The following ECPAS variants were observed in gnomAD, a reference collection of about 807,000 sequenced individuals.
The protein encoded by ECPAS is proteasome adapter and scaffold protein ECM29.
Under a neutral mutation model 255.1 loss-of-function variants are expected in ECPAS, and 70 were observed. That is an observed-to-expected ratio of 0.27 (90% CI 0.23 to 0.33). The LOEUF is 0.33. Among genes scored for constraint, ECPAS ranks in the 10% least tolerant of loss-of-function variants. ECPAS has a pLI of 1.00. For synonymous variants in ECPAS, 784 were observed against 775.0 expected, an observed-to-expected ratio of 1.01 and a Z score of -0.19; for missense variants, 1,817 against 2,206.4, an observed-to-expected ratio of 0.82 and a Z score of 3.54.
chr9:111,481,057 T>C (rs775266600), intron 1 of ECPAS, among the ~76,000 whole-genome samples: 1 of 152,168 alleles, frequency 6.6e-6, no homozygotes, highest in East Asian at 1.9e-4. Context: ...TCATACAGCA[T>C]AGCAATTGAA....
intron 1 of ECPAS, among the ~76,000 whole-genome samples, chr9:111,473,738 G>A (rs936976035): frequency 6.6e-6 from 1 of 152,178 alleles, no homozygotes; most frequent in African/African-American, 2.4e-5. Context: ...AGGCCGAGGA[G>A]GGCAGATTGC....
chr9:111,376,560 A>G lies in ECPAS; in HGVS notation c.3955-19T>C. 6.3e-7 allele frequency: 1 copy of G among 1,576,058 alleles called. No homozygotes were observed. The highest frequency in any genetic ancestry group is 1.2e-5 in the South Asian group (1 of 85,994). On this transcript the variant is annotated intron_variant, in intron 36 of 49. Coordinates refer to ENST00000684092, the MANE Select transcript of ECPAS (RefSeq NM_001364929.1). ...TCGCAGCCTAAAGAAGAGAAATTAA[A>G]GTCACCCGGCACATTCAATTAATTA...
At chr9:111,408,261 G>C (rs1300668160) in intron 24 of ECPAS, among the ~76,000 whole-genome samples, 2 of 152,148 alleles carry the variant, frequency 1.3e-5, no homozygotes, top group Non-Finnish European at 2.9e-5. Context: ...AAACACTCAA[G>C]AACTACTGTT....
intron 24 of ECPAS, among the ~76,000 whole-genome samples, chr9:111,402,332 T>C (rs2098177445): frequency 6.6e-6 from 1 of 152,168 alleles, no homozygotes; most frequent in South Asian, 2.1e-4. Flanking sequence ...CCACCAGATG[T>C]GTCTTACAAA....
Position 111,444,479 on chromosome 9 carries a change from C to G in ECPAS, c.169G>C (p.Val57Leu). Residue 57 changes from valine (V) to leucine (L), a missense_variant, in exon 4 of 50, where the codon GTC becomes CTC. Transcript: ENST00000684092. ...CTTTTTATACGTTTATTCAGATGGA[C>G]CAGCAGTTCCATTACCTAAAATACA... is the stretch of plus-strand genomic sequence containing the variant. ...GVRKKVMELL[V>L]HLNKRIKSRP... 1 of 1,610,452 alleles carries G rather than the reference C, an allele frequency of 6.2e-7. No individual in the cohort carries two copies. The highest frequency in any genetic ancestry group is 2.2e-5 in the East Asian group (1 of 44,844).
rs2098295753 is a variant in ECPAS, at chr9:111,475,982, C to CAGAA, written c.-82-2983_-82-2982insTTCT. ...TATGGTCACAGAATCATGTTCAACA[C>CAGAA]ACAGCTTCCCAAATCTCATCCTCTA... On this transcript the variant is annotated intron_variant, in intron 1 of 49. Transcript: ENST00000684092. 3.9e-5 allele frequency among the ~76,000 whole-genome samples: 6 copies of CAGAA among 152,296 alleles called. No individual in the cohort carries two copies. In the South Asian group the frequency reaches 1.2e-3, roughly 32 times the overall value.
In ECPAS at chr9:111,420,103, T is replaced by G. The variant is rs751857379; in HGVS notation, c.1473A>C (p.Arg491=). ...SYLIKPEVQV[R]QVAVKFASTV... is the part of the protein sequence containing the mutation. The stretch of plus-strand genomic sequence containing the variant: ...TACTGGCAAATTTCACAGCCACTTG[T>G]CGAACTTGAACTTCAGGCTATTTCA... Residue 491 remains arginine, a synonymous_variant, in exon 16 of 50, where the codon CGA becomes CGC. Coordinates refer to ENST00000684092, the MANE Select transcript of ECPAS (RefSeq NM_001364929.1). 4 of 1,612,550 alleles carry G rather than the reference T, an allele frequency of 2.5e-6. No individual in the cohort carries two copies. Among genetic ancestry groups the G allele is most frequent in the Non-Finnish European group, 2.5e-6 (3 of 1,179,022 alleles).
At chr9:111,466,616 TACACACACAC>T (rs55763374) in intron 2 of ECPAS, among the ~76,000 whole-genome samples, 36 of 143,498 alleles carry the variant, frequency 2.5e-4, no homozygotes, top group South Asian at 6.9e-4. Context: ...AATAACTAAA[TACACACACAC>T]ACACACACAC....
chr9:111,414,700 G>C (rs1259598028), intron 18 of ECPAS, 49 bp from the exon 19 acceptor site: 6 of 1,481,080 alleles, frequency 4.1e-6, no homozygotes, highest in Non-Finnish European at 5.6e-6. Context: ...CGAAAAGTCA[G>C]TGTGGGAAGG....
chr9:111,457,740 A>G (rs1481413574), intron 2 of ECPAS, among the ~76,000 whole-genome samples: 1 of 152,218 alleles, frequency 6.6e-6, no homozygotes, highest in Non-Finnish European at 1.5e-5. Context: ...AAGAAAGTGT[A>G]AAGGACCCAA....
At chr9:111,384,932 C>T (rs2098145803) in intron 33 of ECPAS, among the ~76,000 whole-genome samples, 1 of 152,086 alleles carries the variant, frequency 6.6e-6, no homozygotes, top group African/African-American at 2.4e-5. Flanking sequence ...ACTGAAGTGC[C>T]TAATTTTAAT....
intron 1 of ECPAS, among the ~76,000 whole-genome samples, chr9:111,473,454 C>T (rs2098291943): frequency 6.6e-6 from 1 of 152,196 alleles, no homozygotes; most frequent in Non-Finnish European, 1.5e-5. Context: ...CCGGCCACCG[C>T]TGACCTCTCT....
Position 111,373,922 on chromosome 9 carries a change from C to A in ECPAS, c.4177+50G>T, listed in dbSNP as rs1349252401. The A allele has an allele frequency of 2.9e-6, 4 of 1,387,962 alleles. No homozygotes were observed. The East Asian group carries it at 9.2e-5, about 32-fold the overall frequency. The allele number at this position is 1,387,962 out of a possible 1,614,324, so 86.0% of individuals were successfully genotyped here. A position where few individuals can be genotyped will look rare whatever the true frequency, so the allele number is the denominator to read the frequency against. On this transcript the variant is annotated intron_variant, in intron 39 of 49. Coordinates refer to ENST00000684092, the MANE Select transcript of ECPAS (RefSeq NM_001364929.1). ...TTTTCCTTTTTAAAACTCTGTCACACAAGACAGGGCTGTGCAAAAATATCA... is the reference window on the plus strand; with the variant it reads ...TTTTCCTTTTTAAAACTCTGTCACAAAAGACAGGGCTGTGCAAAAATATCA...
At chr9:111,457,329 C>CT (rs2098268130) in intron 2 of ECPAS, among the ~76,000 whole-genome samples, 1 of 151,998 alleles carries the variant, frequency 6.6e-6, no homozygotes, top group Admixed American at 6.6e-5. Flanking sequence ...AATAAGAGCT[C>CT]TGAGCACATT....
Position 111,417,977 on chromosome 9 carries a change from C to T in ECPAS, c.1589G>A (p.Arg530His), listed in dbSNP as rs773916820. The T allele has an allele frequency of 2.9e-5, 47 of 1,605,618 alleles. No homozygotes were observed. The highest frequency in any genetic ancestry group is 8.5e-5 in the Admixed American group (5 of 58,744). ...PREEVHGEAQ[R>H]VLRCLPGRNR... ...TCTACCTGGAAGACACCTTAATACG[C>T]GTTGTGCTTCTCCATGAACTTCTTC... Residue 530 changes from arginine to histidine, a missense_variant, in exon 17 of 50, where the codon CGC becomes CAC. Arg to His is a conservative substitution (Grantham distance 29). Transcript: ENST00000684092.
intron 48 of ECPAS, chr9:111,365,932 G>A (rs1589106500): frequency 3.2e-6 from 1 of 308,830 alleles, no homozygotes; most frequent in Non-Finnish European, 6.0e-6. Flanking sequence ...TGCATAAAGT[G>A]TATACATATT....
intron 31 of ECPAS, among the ~76,000 whole-genome samples, chr9:111,387,165 CTCA>C (rs2098150410): frequency 6.6e-6 from 1 of 151,818 alleles, no homozygotes; most frequent in African/African-American, 2.4e-5. Context: ...CAGAGTCTCA[CTCA>C]TCATCAGTGC....
Position 111,372,486 on chromosome 9 carries a change from TCTC to T in ECPAS, c.4468_4470del (p.Glu1490del), listed in dbSNP as rs1381737751. 1 of 1,613,904 alleles carries T rather than the reference TCTC, an allele frequency of 6.2e-7. No individual in the cohort carries two copies. Among genetic ancestry groups the T allele is most frequent in the Non-Finnish European group, 8.5e-7 (1 of 1,179,806 alleles). ...AAATTACATTCTTCTTTTTCGGATT[TCTC>T]CTCATCAGCAATTTCATGCATGCCT... On this transcript the variant is annotated inframe_deletion, in exon 42 of 50. Coordinates refer to ENST00000684092, the MANE Select transcript of ECPAS (RefSeq NM_001364929.1).
chr9:111,467,932 G>A (rs933381929), intron 2 of ECPAS, among the ~76,000 whole-genome samples: 1 of 152,024 alleles, frequency 6.6e-6, no homozygotes, highest in African/African-American at 2.4e-5. Flanking sequence ...CTGAACCCAG[G>A]ACCTGAGGTC....
Sources: gnomAD v4.1 joint callset for allele counts (sites outside exome capture counted in the v4.1 genomes callset) on GRCh38, gnomAD v4.1.1 for gene constraint, MANE v1.5 for transcripts, NCBI Gene and HGNC (gene_info 2026-07-23, HGNC 2026-07-21) for gene names.